PLCG2: variants seen among roughly 807,000 people sequenced by gnomAD.
PLCG2 encodes 1-phosphatidylinositol 4,5-bisphosphate phosphodiesterase gamma-2.
Under a neutral mutation model 175.6 loss-of-function variants are expected in PLCG2, and 69 were observed. The observed-to-expected ratio is 0.39, with a 90% CI of 0.32 to 0.48. PLCG2 has a LOEUF of 0.48. Ranked by LOEUF, PLCG2 falls within the 20% of genes least tolerant of loss-of-function variation. The pLI, the probability that PLCG2 is intolerant of heterozygous loss-of-function variation, is 0.91. For synonymous variants in PLCG2, 827 were observed against 624.0 expected (o/e 1.33, Z -4.85); for missense variants, 1,798 against 1,650.9 (o/e 1.09, Z -1.54).
At chr16:81,922,362 G>A (rs1910094406) in intron 21 of PLCG2, among the ~76,000 whole-genome samples, 1 of 152,126 alleles carries the variant, frequency 6.6e-6, no homozygotes, top group Non-Finnish European at 1.5e-5. Context: ...CTGCAAAATG[G>A]GCATACTCAT....
chr16:81,788,245 A>G (rs1290506511), intron 2 of PLCG2, among the ~76,000 whole-genome samples: 1 of 152,168 alleles, frequency 6.6e-6, no homozygotes, highest in Non-Finnish European at 1.5e-5. Flanking sequence ...TCTGAAGGAC[A>G]GCTTCCTGAA....
chr16:81,768,960 G>C (rs1017020349), intron 2 of PLCG2, among the ~76,000 whole-genome samples: 12 of 152,310 alleles, frequency 7.9e-5, no homozygotes, highest in Admixed American at 4.6e-4. Flanking sequence ...ACTCCTGACA[G>C]AGAATAAATC....
intron 24 of PLCG2, among the ~76,000 whole-genome samples, chr16:81,930,850 C>G (rs1910471867): frequency 6.6e-6 from 1 of 151,584 alleles, no homozygotes; most frequent in East Asian, 1.9e-4. Flanking sequence ...TGAAACAGTT[C>G]ACAAAATTTT....
At chr16:81,899,905 C>A in intron 13 of PLCG2, among the ~76,000 whole-genome samples, 1 of 152,176 alleles carries the variant, frequency 6.6e-6, no homozygotes, top group East Asian at 1.9e-4. Flanking sequence ...TGTGACCACA[C>A]GCTCAAAAGG....
chr16:81,809,117 A>G (rs914669808), intron 2 of PLCG2, among the ~76,000 whole-genome samples: 8 of 152,098 alleles, frequency 5.3e-5, no homozygotes, highest in African/African-American at 1.7e-4. Context: ...GAGCATGGTG[A>G]CTTGGACTTG....
rs1597364436 is a variant in PLCG2, at chr16:81,869,308, A to G, written c.564+10A>G. On this transcript the variant is annotated intron_variant, in intron 6 of 32. Transcript: ENST00000564138. ...TAAAGATAAGTTTGTGGTAAGTTTC[A>G]TGGCTCAGCCTGGGAATTTTATGAA... The G allele has an allele frequency of 6.3e-7, 1 of 1,597,360 alleles. No homozygotes were observed. The highest frequency in any genetic ancestry group is 8.6e-7 in the Non-Finnish European group (1 of 1,164,742).
chr16:81,873,494 G>A (rs979698566), intron 7 of PLCG2, among the ~76,000 whole-genome samples: 1 of 152,088 alleles, frequency 6.6e-6, no homozygotes, highest in African/African-American at 2.4e-5. Flanking sequence ...GTCATCTTAT[G>A]CAATTGACCA....
intron 7 of PLCG2, 71 bp downstream of exon 7, chr16:81,871,006 C>A: frequency 2.6e-6 from 2 of 781,610 alleles, no homozygotes; most frequent in Non-Finnish European, 4.3e-6. Flanking sequence ...CTGGCATGTT[C>A]CTAAGAAACC....
Position 81,959,970 on chromosome 16 carries a change from C to G in PLCG2, c.*1972C>G. 2 of 206,286 alleles carry G rather than the reference C, an allele frequency of 9.7e-6. No individual in the cohort carries two copies. The highest frequency in any genetic ancestry group is 9.9e-6 in the Non-Finnish European group (1 of 101,026). The allele number at this position is 206,286 out of a possible 1,614,324, so 12.8% of individuals were successfully genotyped here. On this transcript the variant is annotated 3_prime_UTR_variant, in exon 33 of 33. Transcript: ENST00000564138. ...GTTTTTTGCTACCATATCAAAGAAC[C>G]TGACATATGGCGGCATAGGAAGCAG...
chr16:81,812,695 C>A (rs917776176), intron 2 of PLCG2, among the ~76,000 whole-genome samples: 1 of 152,094 alleles, frequency 6.6e-6, no homozygotes, highest in Non-Finnish European at 1.5e-5. Context: ...GAATTAGATC[C>A]CATTTGTTAA....
At chr16:81,772,821 T>G (rs775512475) in intron 2 of PLCG2, among the ~76,000 whole-genome samples, 1 of 151,642 alleles carries the variant, frequency 6.6e-6, no homozygotes, top group Non-Finnish European at 1.5e-5. Context: ...AAAAAAAGAA[T>G]GACTGAAAAG....
chr16:81,742,759 G>T (rs184132816), intron 1 of PLCG2, among the ~76,000 whole-genome samples: 12 of 152,278 alleles, frequency 7.9e-5, no homozygotes, highest in Admixed American at 2.6e-4. Context: ...AGACGGGAGT[G>T]AACAGGGGCC....
Position 81,915,675 on chromosome 16 carries a change from C to T in PLCG2, c.2054+2959C>T, listed in dbSNP as rs1213024634. On this transcript the variant is annotated intron_variant, in intron 19 of 32. Coordinates refer to ENST00000564138, the MANE Select transcript of PLCG2 (RefSeq NM_002661.5). The stretch of plus-strand genomic sequence containing the variant: ...AATAGACGATGATCCTAATGCTCCC[C>T]ATGCGACGGGTTGTGGATCCCCGAT... Among the ~76,000 whole-genome samples the T allele has an allele frequency of 4.6e-5, 7 of 152,180 alleles. No individual in the cohort carries two copies. The East Asian group carries it at 1.2e-3, about 25-fold the overall frequency.
intron 12 of PLCG2, among the ~76,000 whole-genome samples, chr16:81,894,872 C>CA (rs1269225442): frequency 6.7e-6 from 1 of 149,436 alleles, no homozygotes; most frequent in African/African-American, 2.5e-5. Context: ...GACTTTGTCT[C>CA]AAAAAAATAA....
intron 7 of PLCG2, among the ~76,000 whole-genome samples, chr16:81,875,621 C>G (rs138257975): frequency 6.6e-6 from 1 of 152,324 alleles, no homozygotes; most frequent in Non-Finnish European, 1.5e-5. Context: ...CAGCAGACAT[C>G]AAGCAGCGTA....
At chr16:81,766,559 C>T (rs549438175) in intron 2 of PLCG2, among the ~76,000 whole-genome samples, 1 of 152,256 alleles carries the variant, frequency 6.6e-6, no homozygotes, top group African/African-American at 2.4e-5. Context: ...CACACAAAAA[C>T]CCAGCCCTTC....
At position 81,956,683 on chromosome 16, in the gene PLCG2, T is replaced by C. The variant is rs1224218921; in HGVS notation, c.3571-12T>C. 5 of 1,611,918 alleles carry C rather than the reference T, an allele frequency of 3.1e-6. No individual in the cohort carries two copies. In the East Asian group the frequency reaches 6.7e-5, roughly 22 times the overall value. The stretch of plus-strand genomic sequence containing the variant: ...GTCACCACATGGTTGTTCTCTCCCC[T>C]GCATCCTCCAGGAGAGCGAAGAGGA... On this transcript the variant is annotated splice_polypyrimidine_tract_variant and intron_variant, in intron 31 of 32. Coordinates refer to ENST00000564138, the MANE Select transcript of PLCG2 (RefSeq NM_002661.5).
At chr16:81,854,802 A>G (rs41307919) in intron 3 of PLCG2, among the ~76,000 whole-genome samples, 26 of 152,208 alleles carry the variant, frequency 1.7e-4, no homozygotes, top group Non-Finnish European at 3.4e-4. Flanking sequence ...AAATGGGGAG[A>G]ATAATAATGC....
intron 2 of PLCG2, among the ~76,000 whole-genome samples, chr16:81,764,651 C>CT (rs1910107190): frequency 1.3e-5 from 2 of 152,236 alleles, no homozygotes; most frequent in African/African-American, 4.8e-5. Flanking sequence ...TTTTCTCCAT[C>CT]TTTTTTATTA....
Sources: allele counts gnomAD v4.1 joint callset (sites outside exome capture counted in the v4.1 genomes callset), GRCh38; gene constraint gnomAD v4.1.1; transcripts MANE v1.5; gene names NCBI Gene and HGNC (gene_info 2026-07-23, HGNC 2026-07-21).